Variants in RNF150 observed in about 807,000 individuals in gnomAD.
RNF150 encodes ring finger protein 150.
RNF150 carries 24 observed loss-of-function variants against 39.3 expected under a neutral mutation model. The observed-to-expected ratio is 0.61, with a 90% CI of 0.44 to 0.86. The LOEUF is 0.86. RNF150 is among the 40% of genes least tolerant of loss of function. The pLI is 0.00. For missense variants in RNF150, 502 were observed against 587.8 expected, an observed-to-expected ratio of 0.85 and a Z score of 1.51; for synonymous variants, 255 against 227.3, an observed-to-expected ratio of 1.12 and a Z score of -1.10.
intron 1 of RNF150, among the ~76,000 whole-genome samples, chr4:141,033,001 T>C (rs1736009717): frequency 6.6e-6 from 1 of 152,202 alleles, no homozygotes; most frequent in Non-Finnish European, 1.5e-5. Flanking sequence ...TGGTGGTTAC[T>C]GAAGGTCGGG....
chr4:140,921,034 T>C (rs1230664367), intron 5 of RNF150, among the ~76,000 whole-genome samples: 1 of 151,312 alleles, frequency 6.6e-6, no homozygotes, highest in African/African-American at 2.4e-5. Context: ...CTGGGGACTG[T>C]TGTGGCGTGG....
intron 1 of RNF150, among the ~76,000 whole-genome samples, chr4:141,139,952 T>C (rs962091490): frequency 6.6e-6 from 1 of 152,216 alleles, no homozygotes; most frequent in Admixed American, 6.5e-5. Flanking sequence ...TTCTTTTTCC[T>C]CTGCTTAATT....
intron 6 of RNF150, among the ~76,000 whole-genome samples, chr4:140,878,408 T>G (rs755538647): frequency 6.6e-6 from 1 of 152,086 alleles, no homozygotes; most frequent in East Asian, 1.9e-4. Context: ...TGGTCTCAAG[T>G]TGATTCACCT....
chr4:141,052,582 G>C (rs747194258), intron 1 of RNF150, among the ~76,000 whole-genome samples: 2 of 152,024 alleles, frequency 1.3e-5, no homozygotes, highest in Non-Finnish European at 1.5e-5. Flanking sequence ...CACTACGTTG[G>C]CCAGGCTGGT....
At chr4:140,999,310 A>G (rs1301556902) in intron 1 of RNF150, among the ~76,000 whole-genome samples, 2 of 152,236 alleles carry the variant, frequency 1.3e-5, no homozygotes, top group African/African-American at 4.8e-5. Context: ...GAGCAGATCC[A>G]GCACTTGAAA....
intron 6 of RNF150, among the ~76,000 whole-genome samples, chr4:140,878,997 C>A (rs1729277130): frequency 6.6e-6 from 1 of 152,224 alleles, no homozygotes; most frequent in Non-Finnish European, 1.5e-5. Context: ...TTTCTCCACA[C>A]CATTTTTTGA....
intron 1 of RNF150, among the ~76,000 whole-genome samples, chr4:141,100,098 G>C (rs1236245502): frequency 6.6e-6 from 1 of 152,124 alleles, no homozygotes; most frequent in South Asian, 2.1e-4. Context: ...TACTTTTATA[G>C]GACTAGGTTA....
chr4:141,063,991 CAAAAA>C (rs35348369), intron 1 of RNF150, among the ~76,000 whole-genome samples: 1 of 116,660 alleles, frequency 8.6e-6, no homozygotes, highest in Non-Finnish European at 1.7e-5. Flanking sequence ...AAAAGTTCTA[CAAAAA>C]AAAAAAAAAA....
intron 4 of RNF150, among the ~76,000 whole-genome samples, chr4:140,943,954 C>T (rs745897893): frequency 8.5e-5 from 13 of 152,082 alleles, no homozygotes; most frequent in South Asian, 2.1e-4. Context: ...TGCAGGGAAA[C>T]GGTCTATCTA....
At chr4:140,878,690 C>T (rs539240227) in intron 6 of RNF150, among the ~76,000 whole-genome samples, 1 of 152,162 alleles carries the variant, frequency 6.6e-6, no homozygotes, top group East Asian at 1.9e-4. Context: ...CAAATATTTT[C>T]TCTCATTCTG....
At chr4:140,980,941 C>G (rs1733839928) in intron 1 of RNF150, among the ~76,000 whole-genome samples, 1 of 152,150 alleles carries the variant, frequency 6.6e-6, no homozygotes, top group Non-Finnish European at 1.5e-5. Flanking sequence ...TACCAACTGT[C>G]TCATTACTTT....
chr4:141,172,038 A>G (rs570026198), intron 1 of RNF150, among the ~76,000 whole-genome samples: 4 of 152,334 alleles, frequency 2.6e-5, no homozygotes, highest in African/African-American at 9.6e-5. Flanking sequence ...TGTTTTCATT[A>G]GCTATTGCCA....
intron 1 of RNF150, among the ~76,000 whole-genome samples, chr4:141,044,757 T>C (rs764096684): frequency 1.4e-5 from 2 of 138,438 alleles, no homozygotes; most frequent in Non-Finnish European, 3.1e-5. Flanking sequence ...AGCTCATGCA[T>C]GCGGGTGTGC....
chr4:141,114,932 C>G (rs535544474), intron 1 of RNF150, among the ~76,000 whole-genome samples: 19 of 152,216 alleles, frequency 1.2e-4, no homozygotes, highest in African/African-American at 4.6e-4. Flanking sequence ...GCTTTCGATA[C>G]AATTCAACAC....
chr4:140,910,482 A>C (rs1351801387), intron 6 of RNF150, among the ~76,000 whole-genome samples: 2 of 152,170 alleles, frequency 1.3e-5, no homozygotes, highest in African/African-American at 2.4e-5. Flanking sequence ...AACTACCATC[A>C]AACAGAACAG....
chr4:141,045,662 G>A lies in RNF150; in HGVS notation c.485-77789C>T, dbSNP rs138035541. Reference sequence around the variant, plus strand: ...GGTTTCAAGCAATTCTCCTTTCTTGGCCTCCTGAGTAGCTCGGATTACAGG... The same window carrying A: ...GGTTTCAAGCAATTCTCCTTTCTTGACCTCCTGAGTAGCTCGGATTACAGG... On this transcript the variant is annotated intron_variant, in intron 1 of 6. Coordinates refer to ENST00000515673, the MANE Select transcript of RNF150 (RefSeq NM_020724.2). Among the ~76,000 whole-genome samples, 377 of 151,992 alleles carry A rather than the reference G, an allele frequency of 2.5e-3. 1 individual carries two copies. The highest frequency in any genetic ancestry group is 4.6e-3 in the Non-Finnish European group (314 of 67,978).
chr4:140,869,304 C>G (rs541670276), intron 6 of RNF150, among the ~76,000 whole-genome samples: 1 of 152,130 alleles, frequency 6.6e-6, no homozygotes, highest in Non-Finnish European at 1.5e-5. Context: ...GCTTTGTATG[C>G]AATGGGGTCA....
At chr4:141,089,890 A>C (rs1738513834) in intron 1 of RNF150, among the ~76,000 whole-genome samples, 1 of 152,218 alleles carries the variant, frequency 6.6e-6, no homozygotes, top group African/African-American at 2.4e-5. Flanking sequence ...GCCTATTGTC[A>C]TGCTTTTAAT....
intron 1 of RNF150, among the ~76,000 whole-genome samples, chr4:141,061,948 A>C (rs1455844503): frequency 6.8e-6 from 1 of 146,926 alleles, no homozygotes; most frequent in Non-Finnish European, 1.5e-5. Flanking sequence ...AAATCCATTA[A>C]AATATTTCAG....
Sources: allele counts gnomAD v4.1 joint callset (sites outside exome capture counted in the v4.1 genomes callset), GRCh38; gene constraint gnomAD v4.1.1; transcripts MANE v1.5; gene names NCBI Gene and HGNC (gene_info 2026-07-23, HGNC 2026-07-21).